SLC16A7: variants seen among roughly 807,000 people sequenced by gnomAD.
SLC16A7 encodes the protein solute carrier family 16 member 7.
In SLC16A7, 33 loss-of-function variants were observed where a neutral mutation model predicts 34.9. That is an observed-to-expected ratio of 0.94 (90% confidence interval 0.72 to 1.26). SLC16A7 has a LOEUF of 1.26. Ranked by LOEUF, SLC16A7 falls within the 50% of genes most tolerant of loss-of-function variation. SLC16A7 has a pLI of 0.00. For synonymous variants in SLC16A7, 201 were observed against 206.6 expected, an observed-to-expected ratio of 0.97 and a Z score of 0.23; for missense variants, 573 against 578.1, an observed-to-expected ratio of 0.99 and a Z score of 0.09.
chr12:59,734,232 T>G, intron 3 of SLC16A7: 1 of 179,946 alleles, frequency 5.6e-6, no homozygotes, highest in South Asian at 1.2e-4. Context: ...TCAGCTCCCC[T>G]GCCCCAGCCT....
chr12:59,727,889 AAGAG>A (rs1306376977), intron 3 of SLC16A7, among the ~76,000 whole-genome samples: 2 of 152,174 alleles, frequency 1.3e-5, no homozygotes, highest in African/African-American at 4.8e-5. Context: ...TATGACAAAA[AAGAG>A]AGAGACAAAA....
intron 1 of SLC16A7, among the ~76,000 whole-genome samples, chr12:59,613,338 C>T (rs1324840228): frequency 6.6e-6 from 1 of 152,218 alleles, no homozygotes. Flanking sequence ...CACCAGGTCC[C>T]TTCCATGACA....
chr12:59,637,392 A>G (rs1453757965), intron 1 of SLC16A7, among the ~76,000 whole-genome samples: 1 of 151,664 alleles, frequency 6.6e-6, no homozygotes, highest in Non-Finnish European at 1.5e-5. Flanking sequence ...TAGAGTGACT[A>G]GTTATTTTCA....
chr12:59,720,311 T>C (rs1875420952), intron 3 of SLC16A7: 1 of 514,272 alleles, frequency 1.9e-6, no homozygotes, highest in Admixed American at 3.9e-5. Context: ...GAAATAGGTT[T>C]TTAGTCTTGT....
At chr12:59,770,118 G>T (rs1882079053) in intron 3 of SLC16A7, among the ~76,000 whole-genome samples, 1 of 151,868 alleles carries the variant, frequency 6.6e-6, no homozygotes, top group Non-Finnish European at 1.5e-5. Context: ...ACTACTAAAA[G>T]AACTTTTTTA....
In SLC16A7 at chr12:59,735,375, G is replaced by C. The variant is rs189088424; in HGVS notation, c.217+30357G>C. Among the ~76,000 whole-genome samples the C allele has an allele frequency of 1.1e-3, 171 of 152,242 alleles. 2 individuals are homozygous for C. The highest frequency in any genetic ancestry group is 4.0e-3 in the African/African-American group (167 of 41,540). On this transcript the variant is annotated intron_variant, in intron 3 of 5. Coordinates refer to ENST00000547379, the MANE Select transcript of SLC16A7 (RefSeq NM_001270623.2). ...TCAGATGAAAGGTGGTTCCAGTAAT[G>C]CCTGATGTCTCAGCATCATTTGTAA...
At chr12:59,602,666 G>T (rs1878745138) in intron 1 of SLC16A7, among the ~76,000 whole-genome samples, 1 of 151,634 alleles carries the variant, frequency 6.6e-6, no homozygotes, top group South Asian at 2.1e-4. Flanking sequence ...TGTATTTTTA[G>T]TAGAAATAGG....
intron 5 of SLC16A7, among the ~76,000 whole-genome samples, chr12:59,777,132 T>C (rs952180629): frequency 1.3e-5 from 2 of 152,204 alleles, no homozygotes; most frequent in Non-Finnish European, 2.9e-5. Flanking sequence ...TGTGCATTAA[T>C]ATTTTTAAAA....
chr12:59,627,833 C>A lies in SLC16A7; in HGVS notation c.-129-27319C>A, dbSNP rs1879996669. 2.0e-5 allele frequency among the ~76,000 whole-genome samples: 3 copies of A among 151,222 alleles called. No homozygotes were observed. In the Admixed American group the frequency reaches 2.0e-4, roughly 10 times the overall value. On this transcript the variant is annotated intron_variant, in intron 1 of 5. Coordinates refer to ENST00000547379, the MANE Select transcript of SLC16A7 (RefSeq NM_001270623.2). ...AGGCCTACAACTTGTTGCCCTAACTCATCTCTTTACCAGCAGTCCTGTGTG... is the reference window on the plus strand; with the variant it reads ...AGGCCTACAACTTGTTGCCCTAACTAATCTCTTTACCAGCAGTCCTGTGTG...
At chr12:59,647,181 G>C (rs939170185) in intron 1 of SLC16A7, among the ~76,000 whole-genome samples, 1 of 152,076 alleles carries the variant, frequency 6.6e-6, no homozygotes, top group East Asian at 1.9e-4. Context: ...GGAGGGGCTG[G>C]GGGTGGAATG....
chr12:59,634,698 G>T (rs1465352832), intron 1 of SLC16A7, among the ~76,000 whole-genome samples: 1 of 151,998 alleles, frequency 6.6e-6, no homozygotes, highest in Non-Finnish European at 1.5e-5. Flanking sequence ...TGCTAAAACT[G>T]GATTTTATAA....
At chr12:59,620,369 T>C (rs1879645771) in intron 1 of SLC16A7, among the ~76,000 whole-genome samples, 1 of 151,954 alleles carries the variant, frequency 6.6e-6, no homozygotes, top group African/African-American at 2.4e-5. Flanking sequence ...AAAAAAAATT[T>C]ACAGTGAGGT....
chr12:59,692,696 T>G (rs1871814855), intron 2 of SLC16A7, among the ~76,000 whole-genome samples: 1 of 152,070 alleles, frequency 6.6e-6, no homozygotes, highest in Non-Finnish European at 1.5e-5. Context: ...TTATTGCCAG[T>G]TAGCATTCTC....
intron 1 of SLC16A7, among the ~76,000 whole-genome samples, chr12:59,653,871 A>AT (rs943085544): frequency 1.6e-4 from 24 of 151,630 alleles, no homozygotes; most frequent in Non-Finnish European, 2.7e-4. Context: ...TACTCATGTG[A>AT]TTTTTTTATA....
At chr12:59,647,946 G>C (rs939098246) in intron 1 of SLC16A7, among the ~76,000 whole-genome samples, 1 of 152,054 alleles carries the variant, frequency 6.6e-6, no homozygotes, top group African/African-American at 2.4e-5. Context: ...CCTGCTATTT[G>C]GGAGGCTGAG....
At chr12:59,669,846 C>A (rs1358026336) in intron 2 of SLC16A7, among the ~76,000 whole-genome samples, 3 of 151,592 alleles carry the variant, frequency 2.0e-5, no homozygotes, top group Admixed American at 2.0e-4. Flanking sequence ...GTTAAGTGAA[C>A]TATAATTGGG....
At chr12:59,758,645 A>T (rs1447353983) in intron 3 of SLC16A7, among the ~76,000 whole-genome samples, 4 of 152,158 alleles carry the variant, frequency 2.6e-5, no homozygotes, top group Admixed American at 1.3e-4. Flanking sequence ...TTATATGTAC[A>T]TAATATGTAT....
chr12:59,706,910 T>C (rs1472656515), intron 3 of SLC16A7, among the ~76,000 whole-genome samples: 1 of 152,172 alleles, frequency 6.6e-6, no homozygotes, highest in African/African-American at 2.4e-5. Context: ...CAAAATTTTA[T>C]ATACTGTTTT....
rs182992673 is a variant in SLC16A7, at chr12:59,787,090, A to G, written c.*7411A>G. 173 of 152,260 alleles carry G rather than the reference A, an allele frequency of 1.1e-3. 2 individuals are homozygous for G. The highest frequency in any genetic ancestry group is 4.1e-3 in the African/African-American group (169 of 41,546). The allele number at this position is 152,260 out of a possible 1,614,324, so 9.4% of individuals were successfully genotyped here. ...AATATCAAAATCATTTAAAACATCA[A>G]TATTGTATTAATAGAAAACATGTCA... On this transcript the variant is annotated 3_prime_UTR_variant, in exon 6 of 6. Coordinates refer to ENST00000547379, the MANE Select transcript of SLC16A7 (RefSeq NM_001270623.2).
Sources: allele counts gnomAD v4.1 joint callset (sites outside exome capture counted in the v4.1 genomes callset), GRCh38; gene constraint gnomAD v4.1.1; transcripts MANE v1.5; gene names NCBI Gene and HGNC (gene_info 2026-07-23, HGNC 2026-07-21).